The following LRP11 variants were observed in gnomAD, a reference collection of about 807,000 sequenced individuals.
LRP11 encodes LDL receptor related protein 11.
Under a neutral mutation model 43.1 loss-of-function variants are expected in LRP11, and 25 were observed. The observed-to-expected ratio is 0.58, with a 90% CI of 0.42 to 0.81. LRP11 has a LOEUF of 0.81. LRP11 is among the 30% of genes least tolerant of loss of function. The pLI, the probability that LRP11 is intolerant of heterozygous loss-of-function variation, is 0.00. For synonymous variants in LRP11, 316 were observed against 299.4 expected (o/e 1.06, Z -0.57); for missense variants, 623 against 665.1 (o/e 0.94, Z 0.70).
chr6:149,824,069 C>CA (rs1562435440), intron 6 of LRP11, among the ~76,000 whole-genome samples: 1 of 151,928 alleles, frequency 6.6e-6, no homozygotes, highest in Non-Finnish European at 1.5e-5. Context: ...AGGAACAGGA[C>CA]AAAAAAAGAG....
chr6:149,864,050 G>C lies in LRP11; in HGVS notation c.-30C>G, dbSNP rs553420799. The C allele has an allele frequency of 1.7e-4, 222 of 1,289,734 alleles. 1 individual carries two copies. In the African/African-American group the frequency reaches 3.0e-3, roughly 18 times the overall value. 79.9% of individuals were successfully genotyped at this position (1,289,734 alleles called of 1,614,324 possible). A position where few individuals can be genotyped will look rare whatever the true frequency, so the allele number is the denominator to read the frequency against. Reference sequence around the variant, plus strand: ...ACGAGAGCCAAGGGCAGCGAGCCGAGGCGGGGCTGAGCGCGGGAGGAAGGC... The same window carrying C: ...ACGAGAGCCAAGGGCAGCGAGCCGACGCGGGGCTGAGCGCGGGAGGAAGGC... On this transcript the variant is annotated 5_prime_UTR_variant, in exon 1 of 7. Coordinates refer to ENST00000239367, the MANE Select transcript of LRP11 (RefSeq NM_032832.6).
At chr6:149,832,457 G>GGATT (rs767218308) in intron 5 of LRP11, among the ~76,000 whole-genome samples, 22 of 151,936 alleles carry the variant, frequency 1.4e-4, no homozygotes, top group Non-Finnish European at 3.1e-4. Flanking sequence ...CAAAGTGCTG[G>GGATT]GATTACAAGC....
intron 1 of LRP11, among the ~76,000 whole-genome samples, chr6:149,858,758 T>G (rs772583177): frequency 6.6e-6 from 1 of 152,352 alleles, no homozygotes; most frequent in South Asian, 2.1e-4. Context: ...AGCTTCACAA[T>G]TGCCACTTGA....
chr6:149,833,864 T>A (rs1335765224), intron 5 of LRP11, among the ~76,000 whole-genome samples: 1 of 151,996 alleles, frequency 6.6e-6, no homozygotes, highest in Non-Finnish European at 1.5e-5. Context: ...CATTATTTTC[T>A]TTTTTTTCCC....
At position 149,863,581 on chromosome 6, in the gene LRP11, A is replaced by G; in HGVS notation, c.440T>C (p.Leu147Pro). 1 of 1,412,258 alleles carries G rather than the reference A, an allele frequency of 7.1e-7. No homozygotes were observed. Among genetic ancestry groups the G allele is most frequent in the East Asian group, 3.1e-5 (1 of 32,212 alleles). The allele number at this position is 1,412,258 out of a possible 1,614,324, so 87.5% of individuals were successfully genotyped here. Residue 147 changes from leucine to proline, a missense_variant, in exon 1 of 7, where the codon CTG (leucine) becomes CCG (proline). Leu to Pro is a moderately conservative substitution (Grantham distance 98, BLOSUM62 -3). Transcript: ENST00000239367. ...EPRCSVAVVE[L>P]PRRPAPPAAV... ...TGCCGGGGGCGCGGGGCGCCGGGGC[A>G]GCTCCACCACGGCCACGGAGCAGCG...
In LRP11 at chr6:149,851,495, G is replaced by GTTCT. The variant is rs376712803; in HGVS notation, c.771+1504_771+1507dup. 2.0e-3 allele frequency among the ~76,000 whole-genome samples: 308 copies of GTTCT among 152,268 alleles called. 1 individual carries two copies. The highest frequency in any genetic ancestry group is 6.8e-3 in the Middle Eastern group (2 of 294). Reference sequence around the variant, plus strand: ...TGAGAACAGCATACCAATTGGTGATGTTCTTTCTTTCTTTCTTTCTTTTTT... The same window carrying GTTCT: ...TGAGAACAGCATACCAATTGGTGATGTTCTTTCTTTCTTTCTTTCTTTCTTTTTT... On this transcript the variant is annotated intron_variant, in intron 2 of 6. Coordinates refer to ENST00000239367, the MANE Select transcript of LRP11 (RefSeq NM_032832.6).
At chr6:149,835,100 T>C (rs901018559) in intron 5 of LRP11, among the ~76,000 whole-genome samples, 20 of 152,318 alleles carry the variant, frequency 1.3e-4, no homozygotes, top group African/African-American at 4.6e-4. Flanking sequence ...TGTCACATAA[T>C]CATGCAAATA....
At chr6:149,821,452 T>C (rs2115368442) in intron 6 of LRP11, among the ~76,000 whole-genome samples, 1 of 152,380 alleles carries the variant, frequency 6.6e-6, no homozygotes, top group South Asian at 2.1e-4. Flanking sequence ...TAGTTAGGGC[T>C]TAAGAAATTT....
At chr6:149,835,945 C>G (rs1056504946) in intron 5 of LRP11, 140 bp downstream of exon 5, 13 of 753,424 alleles carry the variant, frequency 1.7e-5, no homozygotes, top group Non-Finnish European at 2.4e-5. Flanking sequence ...GATTTCCCCC[C>G]GCCTTTCTGG....
chr6:149,847,804 CAT>C (rs928825525), intron 2 of LRP11, among the ~76,000 whole-genome samples: 62 of 146,572 alleles, frequency 4.2e-4, no homozygotes, highest in Non-Finnish European at 8.7e-4. Context: ...TTGGGCTTCT[CAT>C]ATATGTCTAA....
At chr6:149,860,956 A>G (rs552282542) in intron 1 of LRP11, among the ~76,000 whole-genome samples, 2 of 152,282 alleles carry the variant, frequency 1.3e-5, no homozygotes, top group South Asian at 2.1e-4. Flanking sequence ...GAGTGAGTTC[A>G]TGCGTGCAAA....
intron 2 of LRP11, among the ~76,000 whole-genome samples, chr6:149,851,081 A>C (rs1209775169): frequency 6.6e-6 from 1 of 152,232 alleles, no homozygotes; most frequent in Non-Finnish European, 1.5e-5. Flanking sequence ...AATTGGTAAC[A>C]GATGTTTCCC....
chr6:149,842,524 T>C (rs1170196646), intron 3 of LRP11: 15 of 885,270 alleles, frequency 1.7e-5, no homozygotes, highest in East Asian at 2.6e-5. Flanking sequence ...AGTGACACTT[T>C]GTACCCTTTG....
intron 6 of LRP11, 76 bp downstream of exon 6, chr6:149,826,188 G>A: frequency 2.7e-6 from 3 of 1,122,060 alleles, no homozygotes; most frequent in Non-Finnish European, 4.1e-6. Context: ...ATGGCCTCAG[G>A]GAATATCCTC....
chr6:149,849,572 C>T (rs1275975924), intron 2 of LRP11, among the ~76,000 whole-genome samples: 1 of 152,072 alleles, frequency 6.6e-6, no homozygotes, highest in East Asian at 1.9e-4. Flanking sequence ...GCCTGGGCAG[C>T]ATAGTGAGAC....
chr6:149,840,537 A>T (rs1418149635), intron 3 of LRP11, among the ~76,000 whole-genome samples: 1 of 152,246 alleles, frequency 6.6e-6, no homozygotes, highest in African/African-American at 2.4e-5. Flanking sequence ...GAAATAAACC[A>T]GGACAAACAA....
chr6:149,843,375 A>T (rs1240912234), intron 2 of LRP11, among the ~76,000 whole-genome samples: 1 of 152,096 alleles, frequency 6.6e-6, no homozygotes, highest in Non-Finnish European at 1.5e-5. Context: ...TGCTGCTCCA[A>T]ACCTGCACCT....
chr6:149,862,578 T>TTTTCC (rs1776931151), intron 1 of LRP11, among the ~76,000 whole-genome samples: 1 of 690 alleles, frequency 1.4e-3, no homozygotes, highest in South Asian at 0.25. Context: ...TTTCTTTTCC[T>TTTTCC]TTTTTTTTTT....
chr6:149,828,645 C>T (rs1776371562), intron 5 of LRP11, among the ~76,000 whole-genome samples: 1 of 151,946 alleles, frequency 6.6e-6, no homozygotes, highest in Non-Finnish European at 1.5e-5. Context: ...AGCATCACCA[C>T]ACCTGACTAA....
Sources: gnomAD v4.1 joint callset for allele counts (sites outside exome capture counted in the v4.1 genomes callset) on GRCh38, gnomAD v4.1.1 for gene constraint, MANE v1.5 for transcripts, NCBI Gene and HGNC (gene_info 2026-07-23, HGNC 2026-07-21) for gene names.